Variants in WDR11 observed in about 807,000 individuals in gnomAD.
The protein encoded by WDR11 is WD repeat domain 11, also known as WD repeat-containing protein 11.
A neutral mutation model predicts 151.2 loss-of-function variants in WDR11; 83 were observed. The ratio of observed to expected loss-of-function variants is 0.55; its 90% CI spans 0.46 to 0.66. The LOEUF (loss-of-function observed/expected upper bound fraction) is 0.66. Among genes scored for constraint, WDR11 ranks in the 30% least tolerant of loss-of-function variants. The probability of loss-of-function intolerance (pLI) is 0.00; values close to 1 mark genes in which losing one functional copy is unlikely to be tolerated. For missense variants in WDR11, 1,301 were observed against 1,480.9 expected (o/e 0.88, Z 1.99); for synonymous variants, 484 against 533.1 (o/e 0.91, Z 1.27).
intron 26 of WDR11, chr10:120,905,642 T>C (rs1848008582): frequency 1.2e-6 from 1 of 830,492 alleles, no homozygotes; most frequent in East Asian, 2.7e-5. Context: ...AGCTGCCTCC[T>C]CTTTCTCCCA....
intron 9 of WDR11, among the ~76,000 whole-genome samples, chr10:120,868,065 T>C (rs1846376016): frequency 6.6e-6 from 1 of 152,232 alleles, no homozygotes; most frequent in African/African-American, 2.4e-5. Flanking sequence ...AAGGATTTTC[T>C]GTTTTATTAT....
At chr10:120,870,830 G>C (rs1382031939) in intron 9 of WDR11, among the ~76,000 whole-genome samples, 1 of 152,196 alleles carries the variant, frequency 6.6e-6, no homozygotes, top group Non-Finnish European at 1.5e-5. Context: ...TGCAGAAACT[G>C]TTCTCTAATG....
At chr10:120,877,649 C>A (rs1042859890) in intron 11 of WDR11, among the ~76,000 whole-genome samples, 1 of 152,014 alleles carries the variant, frequency 6.6e-6, no homozygotes, top group Non-Finnish European at 1.5e-5. Context: ...ACAAAACTTT[C>A]ACGATGTATT....
chr10:120,867,301 CT>C, intron 9 of WDR11, 132 bp downstream of exon 9: 1 of 728,996 alleles, frequency 1.4e-6, no homozygotes, highest in Non-Finnish European at 2.4e-6. Flanking sequence ...TGGAATCATT[CT>C]TTCCTAAATA....
chr10:120,877,488 A>T (rs558250286), intron 11 of WDR11, among the ~76,000 whole-genome samples: 1 of 152,164 alleles, frequency 6.6e-6, no homozygotes, highest in Non-Finnish European at 1.5e-5. Flanking sequence ...GCGTGGTAGC[A>T]TACACCTGTA....
intron 25 of WDR11, 49 bp downstream of exon 25, chr10:120,904,860 G>C (rs1287917840): frequency 3.1e-6 from 5 of 1,606,036 alleles, no homozygotes; most frequent in Non-Finnish European, 4.3e-6. Flanking sequence ...ATGAGACCTT[G>C]TTCCCAGCAA....
At chr10:120,870,431 G>A (rs921560199) in intron 9 of WDR11, among the ~76,000 whole-genome samples, 1 of 152,066 alleles carries the variant, frequency 6.6e-6, no homozygotes, top group African/African-American at 2.4e-5. Context: ...TTAATGAACA[G>A]TCTTGATTTC....
intron 13 of WDR11, among the ~76,000 whole-genome samples, chr10:120,881,120 T>A (rs548563259): frequency 1.4e-4 from 22 of 152,352 alleles, no homozygotes; most frequent in Admixed American, 4.6e-4. Context: ...AACTTTTGCA[T>A]GAATCGTTAT....
At chr10:120,878,512 AT>A in intron 12 of WDR11, 53 bp downstream of exon 12, 1 of 1,428,306 alleles carries the variant, frequency 7.0e-7, no homozygotes, top group Non-Finnish European at 9.9e-7. Flanking sequence ...ACATGTTGCC[AT>A]TTATAAAACA....
intron 2 of WDR11, among the ~76,000 whole-genome samples, chr10:120,855,606 T>G (rs1369556290): frequency 1.3e-5 from 2 of 152,162 alleles, no homozygotes; most frequent in African/African-American, 4.8e-5. Flanking sequence ...TATACCTTTG[T>G]TTTTTTCTTA....
rs1463946554 is a variant in WDR11, at chr10:120,871,334, C to G, written c.1459C>G (p.Leu487Val). Residue 487 changes from leucine (L) to valine (V), a missense_variant, in exon 10 of 29, where the codon CTG (leucine) becomes GTG (valine). By Grantham distance (32) the Leu-to-Val change is conservative. Coordinates refer to ENST00000263461, the MANE Select transcript of WDR11 (RefSeq NM_018117.12). ...AAAAAACATCAAGATGTATCAGCCA[C>G]TGCTGGCTGTTGGTGAGTATTTGAC... ...TTKNIKMYQP[L>V]LAVGTSNGSV... The G allele has an allele frequency of 6.2e-7, 1 of 1,613,804 alleles. No homozygotes were observed. Among genetic ancestry groups the G allele is most frequent in the African/African-American group, 1.3e-5 (1 of 74,842 alleles).
intron 21 of WDR11, among the ~76,000 whole-genome samples, chr10:120,901,459 G>A (rs539230493): frequency 5.9e-5 from 9 of 152,274 alleles, no homozygotes; most frequent in Admixed American, 4.6e-4. Context: ...GTGATTCTGG[G>A]TCTGCTTCCC....
chr10:120,876,699 A>G (rs564453033), intron 11 of WDR11, among the ~76,000 whole-genome samples: 3 of 152,322 alleles, frequency 2.0e-5, no homozygotes, highest in Non-Finnish European at 2.9e-5. Flanking sequence ...GCACTAACCA[A>G]TCGAAACTCT....
chr10:120,851,810 A>T, intron 1 of WDR11: 1 of 498,918 alleles, frequency 2.0e-6, no homozygotes, highest in South Asian at 2.1e-5. Context: ...TCCAGCTTCC[A>T]GGCTTCTCTC....
chr10:120,883,243 A>C (rs1847089637), intron 13 of WDR11, among the ~76,000 whole-genome samples: 1 of 152,124 alleles, frequency 6.6e-6, no homozygotes, highest in Non-Finnish European at 1.5e-5. Flanking sequence ...TTTGCTGATA[A>C]TATTTTAGTT....
Position 120,908,320 on chromosome 10 carries a change from C to CGCT in WDR11, c.3518-236_3518-235insGCT. ...GTCTTCTGGAAGGAGAAGCTTTGGA[C>CGCT]TCAGCTGGTACGAAAGGTAATGATG... On this transcript the variant is annotated intron_variant, in intron 28 of 28. Coordinates refer to ENST00000263461, the MANE Select transcript of WDR11 (RefSeq NM_018117.12). The CGCT allele has an allele frequency of 5.7e-6, 3 of 530,040 alleles. No homozygotes were observed. In the South Asian group the frequency reaches 6.1e-5, roughly 11 times the overall value. The allele number at this position is 530,040 out of a possible 1,614,324, so 32.8% of individuals were successfully genotyped here.
chr10:120,861,302 A>G (rs1846130445), intron 4 of WDR11, among the ~76,000 whole-genome samples: 1 of 152,196 alleles, frequency 6.6e-6, no homozygotes, highest in Non-Finnish European at 1.5e-5. Flanking sequence ...AACATGGGAA[A>G]TGTGGCTGTG....
intron 23 of WDR11, among the ~76,000 whole-genome samples, chr10:120,903,596 G>A (rs1028152589): frequency 6.6e-6 from 1 of 151,174 alleles, no homozygotes; most frequent in African/African-American, 2.4e-5. Flanking sequence ...AAAGCTCATA[G>A]ACAGTTACTG....
intron 21 of WDR11, among the ~76,000 whole-genome samples, chr10:120,901,879 AG>A (rs1847833780): frequency 6.6e-6 from 1 of 152,244 alleles, no homozygotes; most frequent in South Asian, 2.1e-4. Context: ...TTTTTGGAAT[AG>A]TTTCAGAATA....
Sources: gnomAD v4.1 joint callset for allele counts (sites outside exome capture counted in the v4.1 genomes callset) on GRCh38, gnomAD v4.1.1 for gene constraint, MANE v1.5 for transcripts, NCBI Gene and HGNC (gene_info 2026-07-23, HGNC 2026-07-21) for gene names.